Variants in BIRC3 observed in about 807,000 individuals in gnomAD.
BIRC3 encodes baculoviral IAP repeat containing 3, also known as baculoviral IAP repeat-containing protein 3.
Under a neutral mutation model 59.0 loss-of-function variants are expected in BIRC3, and 26 were observed. The observed-to-expected ratio is 0.44, with a 90% CI of 0.32 to 0.61. BIRC3 has a LOEUF of 0.61. Among genes scored for constraint, BIRC3 ranks in the 20% least tolerant of loss-of-function variants. BIRC3 has a pLI of 0.04. For missense variants in BIRC3, 641 were observed against 711.5 expected, an observed-to-expected ratio of 0.90 and a Z score of 1.13; for synonymous variants, 243 against 249.2, an observed-to-expected ratio of 0.98 and a Z score of 0.24.
chr11:102,333,776 T>C (rs925654633), intron 6 of BIRC3, among the ~76,000 whole-genome samples: 5 of 151,588 alleles, frequency 3.3e-5, no homozygotes, highest in African/African-American at 1.2e-4. Flanking sequence ...TAAAAGAAAT[T>C]TTATGGAAGA....
Position 102,328,916 on chromosome 11 carries a change from G to T in BIRC3, c.1052G>T (p.Ser351Ile). 1 of 1,429,414 alleles carries T rather than the reference G, an allele frequency of 7.0e-7. No individual in the cohort carries two copies. The highest frequency in any genetic ancestry group is 9.2e-7 in the Non-Finnish European group (1 of 1,089,432). 88.5% of individuals were successfully genotyped at this position (1,429,414 alleles called of 1,614,324 possible). Residue 351 changes from serine (S) to isoleucine (I), a missense_variant, in exon 5 of 9, where the codon AGC becomes ATC. Physicochemically the swap from Ser to Ile is moderately radical, Grantham distance 142. This residue lies in a region of BIRC3 where 268 missense variants were observed against 255.7 expected (regional missense o/e 1.05). Transcript: ENST00000263464. ...CTGCAGCTGCTATCCACATCAGACA[G>T]CCCAGGAGATGAAAATGCAGAGTCA... is the stretch of plus-strand genomic sequence containing the variant. ...LLEQLLSTSD[S>I]PGDENAESSI...
chr11:102,322,042 A>G lies in BIRC3; in HGVS notation c.-2468A>G, dbSNP rs997335392. ...AATTTTATAAACATGATCGAGTTAT[A>G]TAAGGTATACCATAATGAGTTTGAT... On this transcript the variant is annotated 5_prime_UTR_variant, in exon 2 of 9. The change creates a new upstream start codon in the 5' untranslated region. Transcript: ENST00000263464. 6.6e-5 allele frequency: 13 copies of G among 196,662 alleles called. No homozygotes were observed. Among genetic ancestry groups the G allele is most frequent in the African/African-American group, 3.0e-4 (13 of 43,324 alleles). The allele number at this position is 196,662 out of a possible 1,614,324, so 12.2% of individuals were successfully genotyped here.
chr11:102,330,846 T>C (rs1951130734), intron 5 of BIRC3, among the ~76,000 whole-genome samples, 153 bp from the exon 6 acceptor site: 1 of 152,248 alleles, frequency 6.6e-6, no homozygotes, highest in African/African-American at 2.4e-5. Flanking sequence ...ATTTTAAATT[T>C]AACAATGTTC....
At position 102,322,463 on chromosome 11, in the gene BIRC3, T is replaced by C. The variant is rs990717638; in HGVS notation, c.-2047T>C. On this transcript the variant is annotated 5_prime_UTR_variant, in exon 2 of 9. Transcript: ENST00000263464. Reference sequence around the variant, plus strand: ...TATTTTAAACGTCCAAAAGTTTGTTTAAATGGGCTGTTACCGCTGAGAATG... The same window carrying C: ...TATTTTAAACGTCCAAAAGTTTGTTCAAATGGGCTGTTACCGCTGAGAATG... 14 of 205,970 alleles carry C rather than the reference T, an allele frequency of 6.8e-5. No homozygotes were observed. The highest frequency in any genetic ancestry group is 1.3e-4 in the Non-Finnish European group (13 of 100,862). 12.8% of individuals were successfully genotyped at this position (205,970 alleles called of 1,614,324 possible). A position where few individuals can be genotyped will look rare whatever the true frequency, so the allele number is the denominator to read the frequency against.
Position 102,324,534 on chromosome 11 carries a change from T to G in BIRC3, c.25T>G (p.Phe9Val), listed in dbSNP as rs1369623604. The change falls in exon 2 of 9, where the codon TTC becomes GTC. Residue 9 changes from phenylalanine (F) to valine (V), a missense_variant. Phe to Val is a conservative substitution (Grantham distance 50). Transcript: ENST00000263464. MNIVENSIFLSNLMKSANT... is the reference protein window; with the variant it reads MNIVENSIVLSNLMKSANT... ...TATGAACATAGTAGAAAACAGCATATTCTTATCAAATTTGATGAAAAGCGC... is the reference window on the plus strand; with the variant it reads ...TATGAACATAGTAGAAAACAGCATAGTCTTATCAAATTTGATGAAAAGCGC... 1 of 1,613,706 alleles carries G rather than the reference T, an allele frequency of 6.2e-7. No individual in the cohort carries two copies. The highest frequency in any genetic ancestry group is 1.1e-5 in the South Asian group (1 of 91,010).
chr11:102,335,119 G>A (rs940312439), intron 6 of BIRC3, among the ~76,000 whole-genome samples: 1 of 152,162 alleles, frequency 6.6e-6, no homozygotes, highest in Non-Finnish European at 1.5e-5. Flanking sequence ...GCACATGCCT[G>A]TAATCCCAAC....
intron 5 of BIRC3, among the ~76,000 whole-genome samples, chr11:102,329,729 T>C (rs1189055281): frequency 3.3e-5 from 5 of 151,952 alleles, no homozygotes; most frequent in East Asian, 1.9e-4. Flanking sequence ...TAGTTGGGAA[T>C]TGAACAATGA....
In BIRC3 at chr11:102,337,249, T is replaced by A; in HGVS notation, c.*147T>A. 7.5e-6 allele frequency: 4 copies of A among 530,250 alleles called. No homozygotes were observed. Among genetic ancestry groups the A allele is most frequent in the Non-Finnish European group, 1.2e-5 (4 of 335,156 alleles). 32.8% of individuals were successfully genotyped at this position (530,250 alleles called of 1,614,324 possible). Reference sequence around the variant, plus strand: ...TTTGTGTAACATATTTATATATGTATCTAAACCATATGAACATATATTTTT... The same window carrying A: ...TTTGTGTAACATATTTATATATGTAACTAAACCATATGAACATATATTTTT... On this transcript the variant is annotated 3_prime_UTR_variant, in exon 9 of 9. Coordinates refer to ENST00000263464, the MANE Select transcript of BIRC3 (RefSeq NM_001165.5).
chr11:102,336,121 G>T lies in BIRC3; in HGVS notation c.1480G>T (p.Glu494Ter). 6.2e-7 allele frequency: 1 copy of T among 1,613,840 alleles called. No homozygotes were observed. Among genetic ancestry groups the T allele is most frequent in the Non-Finnish European group, 8.5e-7 (1 of 1,179,912 alleles). The change falls in exon 7 of 9, where the codon GAA becomes TAA. Residue 494 changes from glutamate (E) to a stop codon, truncating the protein, a stop_gained. Transcript: ENST00000263464. LOFTEE classifies it high-confidence loss of function. ...GACACAGACGTCTTTACAAGCAAGAGAACTGATTGATACGATTTTAGTAAA... is the reference window on the plus strand; with the variant it reads ...GACACAGACGTCTTTACAAGCAAGATAACTGATTGATACGATTTTAGTAAA... The part of the protein sequence containing the change: ...QKTQTSLQAR[E>*]LIDTILVKGN...
At position 102,324,335 on chromosome 11, in the gene BIRC3, C is replaced by A. The variant is rs1307683452; in HGVS notation, c.-175C>A. The A allele has an allele frequency of 1.7e-6, 1 of 589,984 alleles. No homozygotes were observed. Among genetic ancestry groups the A allele is most frequent in the African/African-American group, 1.9e-5 (1 of 53,054 alleles). The allele number at this position is 589,984 out of a possible 1,614,324, so 36.5% of individuals were successfully genotyped here. ...TGTGTATTTCTTCCTTAAAATGTAT[C>A]AGTATAGGATTTAGAATCTCCATGT... On this transcript the variant is annotated 5_prime_UTR_variant, in exon 2 of 9. Transcript: ENST00000263464.
In BIRC3 at chr11:102,328,068, A is replaced by C. The variant is rs144238776; in HGVS notation, c.970A>C (p.Arg324=). 13 of 1,607,894 alleles carry C rather than the reference A, an allele frequency of 8.1e-6. No individual in the cohort carries two copies. The African/African-American group carries it at 1.7e-4, about 22-fold the overall frequency. ...KWFPRCEYLI[R]IKGQEFIRQV... The stretch of plus-strand genomic sequence containing the variant: ...ACATTTTAGGTGTGAGTACTTGATA[A>C]GAATTAAAGGACAGGAGTTCATCCG... The change falls in exon 4 of 9, where the codon AGA becomes CGA. Residue 324 remains arginine, a synonymous_variant. Coordinates refer to ENST00000263464, the MANE Select transcript of BIRC3 (RefSeq NM_001165.5).
intron 1 of BIRC3, among the ~76,000 whole-genome samples, chr11:102,317,777 G>A (rs183877103): frequency 1.3e-5 from 2 of 152,328 alleles, no homozygotes; most frequent in African/African-American, 2.4e-5. Flanking sequence ...GCAGGCTCTA[G>A]ATAGGTTCCA....
At position 102,331,232 on chromosome 11, in the gene BIRC3, A is replaced by G. The variant is rs753096055; in HGVS notation, c.1315A>G (p.Lys439Glu). 1.2e-6 allele frequency: 2 copies of G among 1,608,494 alleles called. No homozygotes were observed. The highest frequency in any genetic ancestry group is 1.7e-6 in the Non-Finnish European group (2 of 1,178,280). The change falls in exon 6 of 9, where the codon AAA becomes GAA. Residue 439 changes from lysine (K) to glutamate (E), a missense_variant. This residue lies in a region of BIRC3 where 268 missense variants were observed against 255.7 expected (regional missense o/e 1.05). Transcript: ENST00000263464. ...EEERERATEE[K>E]ESNDLLLIRK... ...GGAGAGAGAAAGAGCAACTGAGGAA[A>G]AAGAATCAAGTATGTAGATTTATTA...
In BIRC3 at chr11:102,324,736, G is replaced by T. The variant is rs924735278; in HGVS notation, c.227G>T (p.Trp76Leu). ...TGTTGTGGCCTGATGCTGGATAACTGGAAAAGAGGAGACAGTCCTACTGAA... is the reference window on the plus strand; with the variant it reads ...TGTTGTGGCCTGATGCTGGATAACTTGAAAAGAGGAGACAGTCCTACTGAA... ...CFCCGLMLDN[W>L]KRGDSPTEKH... Residue 76 changes from tryptophan to leucine, a missense_variant, in exon 2 of 9, where the codon TGG (tryptophan) becomes TTG (leucine). By Grantham distance (61) the Trp-to-Leu change is moderately conservative. Transcript: ENST00000263464. The T allele has an allele frequency of 6.2e-7, 1 of 1,614,136 alleles. No individual in the cohort carries two copies.
At chr11:102,327,780 T>G (rs1179685831) in intron 3 of BIRC3, among the ~76,000 whole-genome samples, 2 of 152,176 alleles carry the variant, frequency 1.3e-5, no homozygotes, top group African/African-American at 4.8e-5. Flanking sequence ...CACAAAAAAT[T>G]TGAATCCTGT....
intron 3 of BIRC3, 141 bp downstream of exon 3, chr11:102,325,706 ATACT>A (rs956221379): frequency 1.2e-5 from 9 of 744,360 alleles, no homozygotes; most frequent in African/African-American, 9.1e-5. Flanking sequence ...ACTTAGTAAA[ATACT>A]TACTTAAAAA....
intron 6 of BIRC3, among the ~76,000 whole-genome samples, chr11:102,333,433 A>G (rs2135790692): frequency 6.6e-6 from 1 of 152,022 alleles, no homozygotes; most frequent in South Asian, 2.1e-4. Context: ...GTGTGGTGGC[A>G]TGTGTCTGTA....
chr11:102,336,911 C>G lies in BIRC3; in HGVS notation c.1624C>G (p.Leu542Val). The change falls in exon 9 of 9, where the codon CTA (leucine) becomes GTA (valine). Residue 542 changes from leucine (L) to valine (V), a missense_variant and splice_region_variant. Physicochemically the swap from Leu to Val is conservative, Grantham distance 32. Transcript: ENST00000263464. The stretch of plus-strand genomic sequence containing the variant: ...TAAAAATTCTTTCCTCTTTCTAGAT[C>G]TACCAGTGGAAGAACAATTGCGGAG... ...KYIPTEDVSD[L>V]PVEEQLRRLQ... The G allele has an allele frequency of 6.3e-7, 1 of 1,597,392 alleles. No homozygotes were observed. Among genetic ancestry groups the G allele is most frequent in the Non-Finnish European group, 8.5e-7 (1 of 1,176,374 alleles).
At chr11:102,331,352 GT>G (rs1951137352) in intron 6 of BIRC3, 111 bp downstream of exon 6, 3 of 1,153,888 alleles carry the variant, frequency 2.6e-6, no homozygotes, top group Non-Finnish European at 2.3e-6. Flanking sequence ...ATCCAGTCAG[GT>G]TTTTTTCATG....
Sources: allele counts gnomAD v4.1 joint callset (sites outside exome capture counted in the v4.1 genomes callset), GRCh38; gene constraint gnomAD v4.1.1; regional missense constraint gnomAD v4.1.1; transcripts MANE v1.5; gene names NCBI Gene and HGNC (gene_info 2026-07-23, HGNC 2026-07-21).